Variants in SNX29 observed in about 807,000 individuals in gnomAD.
The protein encoded by SNX29 is sorting nexin 29.
SNX29 carries 78 observed loss-of-function variants against 102.1 expected under a neutral mutation model. The observed-to-expected ratio is 0.76, with a 90% confidence interval of 0.64 to 0.92. The LOEUF (loss-of-function observed/expected upper bound fraction) is 0.92, where lower values mean the gene tolerates loss of function less well. SNX29 is among the 40% of genes least tolerant of loss of function. The pLI is 0.00. For missense variants in SNX29, 1,280 were observed against 1,061.7 expected (o/e 1.21, Z -2.86); for synonymous variants, 580 against 414.5 (o/e 1.40, Z -4.85).
At chr16:12,271,870 G>C (rs971251682) in intron 14 of SNX29, among the ~76,000 whole-genome samples, 3 of 152,194 alleles carry the variant, frequency 2.0e-5, no homozygotes, top group African/African-American at 7.2e-5. Context: ...TGATCCGCCT[G>C]CCTTAGCCTC....
chr16:12,166,292 G>C (rs2056018986), intron 13 of SNX29, among the ~76,000 whole-genome samples: 1 of 152,176 alleles, frequency 6.6e-6, no homozygotes, highest in Non-Finnish European at 1.5e-5. Context: ...AAATGGGAGA[G>C]ACAAATGAGG....
intron 18 of SNX29, among the ~76,000 whole-genome samples, chr16:12,470,719 CAATT>C (rs760613301): frequency 5.3e-5 from 8 of 152,210 alleles, no homozygotes; most frequent in Non-Finnish European, 8.8e-5. Flanking sequence ...TAGCATTTGA[CAATT>C]AATTAGCCAT....
At chr16:11,977,032 G>C (rs1477802496) in intron 1 of SNX29, 9 of 471,316 alleles carry the variant, frequency 1.9e-5, no homozygotes, top group Admixed American at 1.4e-4. Context: ...CTGGTCTCCT[G>C]ACTCCTGTCC....
rs144618244 is a variant in SNX29 at position 12,532,865 on chromosome 16, C to G, written c.2318+8024C>G. On this transcript the variant is annotated intron_variant, in intron 20 of 20. Transcript: ENST00000566228. ...CAGTGTCTCCCAGAGAAGCCTTCCC[C>G]TGCGTGAGAGAGCTGCAGAATCAAC... Among the ~76,000 whole-genome samples, 523 of 152,336 alleles carry G rather than the reference C, an allele frequency of 3.4e-3. 3 individuals carry two copies. Among genetic ancestry groups the G allele is most frequent in the African/African-American group, 0.012 (496 of 41,580 alleles).
chr16:12,537,090 C>T (rs572468721), intron 20 of SNX29, among the ~76,000 whole-genome samples: 2 of 152,192 alleles, frequency 1.3e-5, no homozygotes, highest in African/African-American at 2.4e-5. Flanking sequence ...CATGTATCTC[C>T]ACCCACGGTC....
chr16:12,471,205 T>C (rs929200879), intron 18 of SNX29, among the ~76,000 whole-genome samples: 6 of 152,216 alleles, frequency 3.9e-5, no homozygotes, highest in African/African-American at 9.6e-5. Flanking sequence ...TTTCTGTCTG[T>C]CTGCCTGACT....
intron 17 of SNX29, among the ~76,000 whole-genome samples, chr16:12,403,202 ATGTGTG>A (rs67193889): frequency 0.062 from 4,382 of 70,548 alleles, 101 homozygotes; most frequent in South Asian, 0.14. Flanking sequence ...TTGTGTGTGT[ATGTGTG>A]TGTGTGTGTG....
chr16:12,459,870 C>T (rs779580814), intron 18 of SNX29, among the ~76,000 whole-genome samples: 2 of 152,154 alleles, frequency 1.3e-5, no homozygotes, highest in Non-Finnish European at 2.9e-5. Flanking sequence ...AGTGAACTGG[C>T]CTTTCTTCCT....
chr16:12,474,835 GGGC>G lies in SNX29; in HGVS notation c.2038-2883_2038-2881del, dbSNP rs1175432614. ...TGCTGTGTATCCTTGGAAGGTGCTA[GGGC>G]CTGTAAAAGGCTGGTGAAGCAGTGC... On this transcript the variant is annotated intron_variant, in intron 18 of 20. Coordinates refer to ENST00000566228, the MANE Select transcript of SNX29 (RefSeq NM_032167.5). Among the ~76,000 whole-genome samples the G allele has an allele frequency of 2.0e-5, 3 of 152,322 alleles. No individual in the cohort carries two copies. In the East Asian group the frequency reaches 5.8e-4, roughly 29 times the overall value.
intron 18 of SNX29, among the ~76,000 whole-genome samples, chr16:12,438,819 G>C (rs574760037): frequency 6.6e-6 from 1 of 152,224 alleles, no homozygotes; most frequent in Non-Finnish European, 1.5e-5. Context: ...TGGAAGGAAC[G>C]TTCTAGACTC....
intron 13 of SNX29, among the ~76,000 whole-genome samples, chr16:12,138,590 T>C (rs1010199160): frequency 5.4e-5 from 8 of 148,200 alleles, no homozygotes; most frequent in South Asian, 2.1e-4. Flanking sequence ...AAATTCATAA[T>C]GTAAAATAAA....
rs140218664 is a variant in SNX29, at chr16:12,295,066, A to G, written c.1782+17030A>G. On this transcript the variant is annotated intron_variant, in intron 15 of 20. Transcript: ENST00000566228. ...ACACATCTCGTGAGACTTATTCTCT[A>G]CCACAAGAACAGTATGGGGGAAACT... 7.2e-3 allele frequency among the ~76,000 whole-genome samples: 1,102 copies of G among 152,326 alleles called. 17 individuals are homozygous for G. The highest frequency in any genetic ancestry group is 0.025 in the African/African-American group (1,038 of 41,566).
intron 16 of SNX29, among the ~76,000 whole-genome samples, chr16:12,357,997 G>A (rs1194656186): frequency 6.6e-6 from 1 of 152,172 alleles, no homozygotes; most frequent in Non-Finnish European, 1.5e-5. Flanking sequence ...GTTGGGTGGT[G>A]TTTTCTGTCA....
chr16:12,526,999 G>A (rs575308716), intron 20 of SNX29: 23 of 398,502 alleles, frequency 5.8e-5, no homozygotes, highest in South Asian at 5.7e-4. Flanking sequence ...TTTTCAAAAC[G>A]AGAATTTCAG....
chr16:12,293,479 C>T (rs990052163), intron 15 of SNX29, among the ~76,000 whole-genome samples: 5 of 152,276 alleles, frequency 3.3e-5, no homozygotes, highest in South Asian at 2.1e-4. Flanking sequence ...TTAAGCTCAT[C>T]GTTTCTGTTT....
intron 14 of SNX29, among the ~76,000 whole-genome samples, chr16:12,264,397 T>C (rs1393940489): frequency 6.6e-6 from 1 of 152,238 alleles, no homozygotes; most frequent in Non-Finnish European, 1.5e-5. Context: ...ACCCAGGCCT[T>C]ACAAACAACA....
chr16:12,366,102 A>G (rs954404971), intron 16 of SNX29, among the ~76,000 whole-genome samples: 6 of 149,424 alleles, frequency 4.0e-5, no homozygotes, highest in Non-Finnish European at 7.4e-5. Context: ...GGGTTTGCAT[A>G]GTTGCTTCAT....
chr16:12,302,737 C>T (rs985982959), intron 15 of SNX29, among the ~76,000 whole-genome samples: 2 of 152,240 alleles, frequency 1.3e-5, no homozygotes, highest in Admixed American at 6.5e-5. Flanking sequence ...CCTGTTCTTT[C>T]ACTTTGGAAA....
At chr16:12,037,277 C>T (rs2057502552) in intron 4 of SNX29, among the ~76,000 whole-genome samples, 1 of 152,112 alleles carries the variant, frequency 6.6e-6, no homozygotes, top group Non-Finnish European at 1.5e-5. Context: ...CTTATAAAAA[C>T]AGTTTGGAGG....
Sources: gnomAD v4.1 joint callset for allele counts (sites outside exome capture counted in the v4.1 genomes callset) on GRCh38, gnomAD v4.1.1 for gene constraint, MANE v1.5 for transcripts, NCBI Gene and HGNC (gene_info 2026-07-23, HGNC 2026-07-21) for gene names.